The following ASB15 variants were observed in gnomAD, a reference collection of about 807,000 sequenced individuals.
ASB15 encodes ankyrin repeat and SOCS box protein 15.
A neutral mutation model predicts 58.0 loss-of-function variants in ASB15; 54 were observed. The observed-to-expected ratio is 0.93, with a 90% CI of 0.75 to 1.17. ASB15 has a LOEUF of 1.17. ASB15 is among the 50% of genes most tolerant of loss of function. The probability of loss-of-function intolerance (pLI) is 0.00; values close to 1 mark genes in which losing one functional copy is unlikely to be tolerated. For missense variants in ASB15, 680 were observed against 707.4 expected (o/e 0.96, Z 0.44); for synonymous variants, 249 against 262.4 (o/e 0.95, Z 0.50).
intron 1 of ASB15, among the ~76,000 whole-genome samples, chr7:123,592,085 G>GCA (rs1799555447): frequency 6.6e-6 from 1 of 152,140 alleles, no homozygotes; most frequent in African/African-American, 2.4e-5. Flanking sequence ...GTTTATTTCT[G>GCA]TAGAGGTGTT....
Position 123,629,259 on chromosome 7 carries a change from T to G in ASB15, c.1265T>G (p.Ile422Ser). 6.2e-7 allele frequency: 1 copy of G among 1,614,144 alleles called. No individual in the cohort carries two copies. The change falls in exon 10 of 12, where the codon ATT (isoleucine) becomes AGT (serine). Residue 422 changes from isoleucine to serine, a missense_variant. Ile to Ser is a moderately radical substitution (Grantham distance 142). Transcript: ENST00000451215. ...AATGACACTCGTTTCCCCAGTGTCA[T>G]TCAATATGCTCTAAACGACGAGGTA... is the stretch of plus-strand genomic sequence containing the variant. ...HVNDTRFPSV[I>S]QYALNDEVML... is the part of the protein sequence containing the mutation.
Position 123,629,406 on chromosome 7 carries a change from G to A in ASB15, c.1412G>A (p.Trp471Ter), listed in dbSNP as rs1283558669. 1 of 1,611,302 alleles carries A rather than the reference G, an allele frequency of 6.2e-7. No homozygotes were observed. The highest frequency in any genetic ancestry group is 8.5e-7 in the Non-Finnish European group (1 of 1,179,384). ...SEIQEEVLPG[W>*]TSCVIKDNPF... ...ATACAGGAAGAGGTGCTGCCAGGAT[G>A]GACATCTTGTGTAATAAAAGATAAC... Residue 471 changes from tryptophan (W) to a stop codon, truncating the protein, a stop_gained, in exon 10 of 12, where the codon TGG becomes TAG. Transcript: ENST00000451215. LOFTEE classifies it high-confidence loss of function.
intron 3 of ASB15, among the ~76,000 whole-genome samples, chr7:123,613,798 C>T (rs1800617278): frequency 6.6e-6 from 1 of 152,156 alleles, no homozygotes; most frequent in South Asian, 2.1e-4. Context: ...TAAACCCCAG[C>T]ACTTTGGGAG....
At chr7:123,611,013 C>G (rs6466877) in intron 3 of ASB15, among the ~76,000 whole-genome samples, 46,272 of 139,496 alleles carry the variant, frequency 0.33, 7,372 homozygotes, top group East Asian at 0.44. Flanking sequence ...ACCCAGCAGG[C>G]GGGAGGTTGC....
At chr7:123,635,978 T>C (rs1802408530) in intron 11 of ASB15, among the ~76,000 whole-genome samples, 3 of 152,156 alleles carry the variant, frequency 2.0e-5, no homozygotes, top group Admixed American at 6.6e-5. Flanking sequence ...ATCGAATGGT[T>C]ACAATGTACC....
chr7:123,617,448 G>A (rs921309060), intron 6 of ASB15, 131 bp from the exon 7 acceptor site: 13 of 835,394 alleles, frequency 1.6e-5, no homozygotes, highest in Middle Eastern at 3.8e-4. Context: ...GTAAACTTTT[G>A]TCAAAGTCCT....
intron 11 of ASB15, among the ~76,000 whole-genome samples, chr7:123,631,837 G>A (rs1802132580): frequency 6.6e-6 from 1 of 152,146 alleles, no homozygotes; most frequent in African/African-American, 2.4e-5. Context: ...TCAGCACTTT[G>A]GGAGGCCGAG....
intron 1 of ASB15, among the ~76,000 whole-genome samples, chr7:123,589,168 T>C (rs984878394): frequency 6.6e-6 from 1 of 151,834 alleles, no homozygotes; most frequent in South Asian, 2.1e-4. Context: ...TTATTGTCTA[T>C]TTCTCCCTTC....
chr7:123,604,312 T>C (rs1451896162), intron 2 of ASB15, 100 bp downstream of exon 2: 1 of 152,170 alleles, frequency 6.6e-6, no homozygotes, highest in Non-Finnish European at 1.5e-5. Context: ...CCGGGTGCCA[T>C]AGCTCATGCC....
At chr7:123,592,245 C>A (rs984829830) in intron 1 of ASB15, among the ~76,000 whole-genome samples, 1 of 152,180 alleles carries the variant, frequency 6.6e-6, no homozygotes, top group Non-Finnish European at 1.5e-5. Flanking sequence ...TTTCAAAAAA[C>A]CACCTCTTGG....
At chr7:123,616,180 A>T in intron 4 of ASB15, 41 bp from the exon 5 acceptor site, 1 of 1,432,638 alleles carries the variant, frequency 7.0e-7, no homozygotes, top group Non-Finnish European at 9.8e-7. Context: ...GAACTATATC[A>T]CTAGTATCTA....
chr7:123,627,233 G>T lies in ASB15; in HGVS notation c.821G>T (p.Arg274Leu), dbSNP rs764016921. 1.2e-6 allele frequency: 2 copies of T among 1,613,764 alleles called. No individual in the cohort carries two copies. The highest frequency in any genetic ancestry group is 1.7e-6 in the Non-Finnish European group (2 of 1,179,902). Reference protein sequence around the residue: ...EYGGSGNVPNRAGHLPIHRAA... With the variant: ...EYGGSGNVPNLAGHLPIHRAA... The stretch of plus-strand genomic sequence containing the variant: ...GGAGGAAGCGGAAATGTACCTAACC[G>T]AGCAGGACATCTTCCTATACACCGA... Residue 274 changes from arginine to leucine, a missense_variant, in exon 9 of 12, where the codon CGA becomes CTA. Coordinates refer to ENST00000451215, the MANE Select transcript of ASB15 (RefSeq NM_001290258.2).
chr7:123,594,048 C>A (rs1384598571), intron 1 of ASB15, among the ~76,000 whole-genome samples: 1 of 151,970 alleles, frequency 6.6e-6, no homozygotes, highest in Non-Finnish European at 1.5e-5. Flanking sequence ...ATCACGATAT[C>A]CCTTCTTCTG....
At chr7:123,580,759 C>T (rs577333610) in intron 1 of ASB15, among the ~76,000 whole-genome samples, 2 of 152,020 alleles carry the variant, frequency 1.3e-5, no homozygotes, top group South Asian at 2.1e-4. Context: ...CCTGCACAAC[C>T]GTACCTGGAA....
intron 3 of ASB15, chr7:123,609,073 A>C (rs1800300990): frequency 1.3e-5 from 2 of 151,778 alleles, no homozygotes; most frequent in Admixed American, 1.3e-4. Flanking sequence ...TTAGCTCAAC[A>C]CTCGAGAATC....
rs756964826 is a variant in ASB15 at position 123,629,363 on chromosome 7, T to C, written c.1369T>C (p.Ser457Pro). The C allele has an allele frequency of 1.2e-6, 2 of 1,614,024 alleles. No individual in the cohort carries two copies. The highest frequency in any genetic ancestry group is 1.7e-6 in the Non-Finnish European group (2 of 1,179,996). Reference sequence around the variant, plus strand: ...CATGCATGGTGACATCTTTGGAAATTCATTTGTGTGGTCAGAGATACAGGA... The same window carrying C: ...CATGCATGGTGACATCTTTGGAAATCCATTTGTGTGGTCAGAGATACAGGA... ...DCMHGDIFGNSFVWSEIQEEV... is the reference protein window; with the variant it reads ...DCMHGDIFGNPFVWSEIQEEV... The change falls in exon 10 of 12, where the codon TCA (serine) becomes CCA (proline). Residue 457 changes from serine (S) to proline (P), a missense_variant. Coordinates refer to ENST00000451215, the MANE Select transcript of ASB15 (RefSeq NM_001290258.2).
At chr7:123,635,454 T>C (rs1304996689) in intron 11 of ASB15, among the ~76,000 whole-genome samples, 1 of 152,102 alleles carries the variant, frequency 6.6e-6, no homozygotes, top group East Asian at 1.9e-4. Flanking sequence ...CTCATAGTAA[T>C]AGACATAGAA....
chr7:123,620,611 G>A lies in ASB15; in HGVS notation c.451+2874G>A, dbSNP rs186923811. Among the ~76,000 whole-genome samples the A allele has an allele frequency of 1.3e-3, 141 of 105,372 alleles. 1 individual carries two copies. In the East Asian group the frequency reaches 0.014, roughly 10 times the overall value. The allele number at this position is 105,372 out of a possible 152,430, so 69.1% of individuals were successfully genotyped here. A position where few individuals can be genotyped will look rare whatever the true frequency, so the allele number is the denominator to read the frequency against. On this transcript the variant is annotated intron_variant, in intron 7 of 11. Transcript: ENST00000451215. ...TTTTGAGACAGAGTCTCGCTCTGTC[G>A]CCCAGGCTGGAGTGCAGTGGCGCGA... is the stretch of plus-strand genomic sequence containing the variant.
intron 5 of ASB15, 24 bp from the exon 6 acceptor site, chr7:123,616,340 C>T (rs763811008): frequency 4.9e-5 from 79 of 1,609,906 alleles, no homozygotes; most frequent in Non-Finnish European, 6.6e-5. Context: ...AGAGATTAGT[C>T]ATCAGTCCAT....
Sources: allele counts gnomAD v4.1 joint callset (sites outside exome capture counted in the v4.1 genomes callset), GRCh38; gene constraint gnomAD v4.1.1; transcripts MANE v1.5; gene names NCBI Gene and HGNC (gene_info 2026-07-23, HGNC 2026-07-21).